NRG1: variants seen among roughly 807,000 people sequenced by gnomAD.
NRG1 encodes neuregulin 1, also known as pro-neuregulin-1, membrane-bound isoform.
NRG1 carries 18 observed loss-of-function variants against 63.8 expected under a neutral mutation model. The ratio of observed to expected loss-of-function variants is 0.28; its 90% CI spans 0.19 to 0.42. The LOEUF (loss-of-function observed/expected upper bound fraction) is 0.42. Among genes scored for constraint, NRG1 ranks in the 10% least tolerant of loss-of-function variants. The pLI is 1.00. For synonymous variants in NRG1, 302 were observed against 301.3 expected (o/e 1.00, Z -0.02); for missense variants, 762 against 814.7 (o/e 0.94, Z 0.79).
At chr8:32,067,806 C>T (rs1028845095) in intron 1 of NRG1, among the ~76,000 whole-genome samples, 2 of 152,006 alleles carry the variant, frequency 1.3e-5, no homozygotes, top group South Asian at 2.1e-4. Context: ...AAAATATAAA[C>T]ATTTTTTCAT....
chr8:32,745,703 C>T (rs1391543836), intron 7 of NRG1, among the ~76,000 whole-genome samples: 1 of 125,038 alleles, frequency 8.0e-6, no homozygotes, highest in Non-Finnish European at 1.7e-5. Context: ...TGTGTGTCCA[C>T]ACGTATGTGT....
chr8:31,958,672 G>A (rs1028855978), intron 1 of NRG1, among the ~76,000 whole-genome samples: 1 of 152,198 alleles, frequency 6.6e-6, no homozygotes, highest in Non-Finnish European at 1.5e-5. Context: ...AGAGGGAAAT[G>A]AGCCTTCACA....
chr8:32,497,684 G>A (rs1158494975), intron 1 of NRG1, among the ~76,000 whole-genome samples: 1 of 152,132 alleles, frequency 6.6e-6, no homozygotes, highest in Non-Finnish European at 1.5e-5. Context: ...TACGTGACTA[G>A]TCTAGGGCTG....
In NRG1 at chr8:31,957,881, A is replaced by T. The variant is rs1804714977; in HGVS notation, c.37+318450A>T. On this transcript the variant is annotated intron_variant, in intron 1 of 10. Transcript: ENST00000519301. ...TATTTCTACCCCATCAGAGAACATG[A>T]AGGGATGCAGAGAAGAATATGTTGA... Among the ~76,000 whole-genome samples, 5 of 152,338 alleles carry T rather than the reference A, an allele frequency of 3.3e-5. No individual in the cohort carries two copies. The South Asian group carries it at 1.0e-3, about 32-fold the overall frequency.
At chr8:32,648,151 C>T (rs760868291) in intron 5 of NRG1, 1 of 1,614,136 alleles carries the variant, frequency 6.2e-7, no homozygotes, top group East Asian at 2.2e-5. Context: ...TCACCTGTCT[C>T]TAGGGCTCAA....
intron 1 of NRG1, among the ~76,000 whole-genome samples, chr8:32,135,967 G>A (rs1278427960): frequency 8.3e-6 from 1 of 120,334 alleles, no homozygotes; most frequent in Non-Finnish European, 2.0e-5. Context: ...TTGTTGAGAT[G>A]TTTTGAAAAA....
At chr8:31,917,990 T>C (rs1585741914) in intron 1 of NRG1, among the ~76,000 whole-genome samples, 2 of 152,324 alleles carry the variant, frequency 1.3e-5, no homozygotes, top group Admixed American at 1.3e-4. Context: ...AGTTCACTCA[T>C]GATTTGGCTC....
chr8:32,659,128 A>G (rs2466047), intron 5 of NRG1, among the ~76,000 whole-genome samples: 6,326 of 147,808 alleles, frequency 0.043, 167 homozygotes, highest in East Asian at 0.11. Flanking sequence ...GGCAGTAATA[A>G]ATCTTTTCTT....
At chr8:32,354,829 G>T (rs938834814) in intron 1 of NRG1, among the ~76,000 whole-genome samples, 2 of 146,270 alleles carry the variant, frequency 1.4e-5, no homozygotes, top group Admixed American at 1.4e-4. Flanking sequence ...TAACATAAAA[G>T]AGATTAACAG....
At chr8:31,998,617 A>T (rs1812418633) in intron 1 of NRG1, among the ~76,000 whole-genome samples, 1 of 151,976 alleles carries the variant, frequency 6.6e-6, no homozygotes, top group Admixed American at 6.6e-5. Context: ...AGTCAATAGG[A>T]ACTTTACACA....
chr8:32,330,213 G>A (rs1179841766), intron 1 of NRG1, among the ~76,000 whole-genome samples: 1 of 152,076 alleles, frequency 6.6e-6, no homozygotes, highest in East Asian at 1.9e-4. Context: ...GGTCTTTCCT[G>A]TCAGGTCCAC....
chr8:32,729,925 G>A (rs913472317), intron 6 of NRG1, among the ~76,000 whole-genome samples: 1 of 152,026 alleles, frequency 6.6e-6, no homozygotes, highest in African/African-American at 2.4e-5. Context: ...GCTCTTCTTT[G>A]AAAAAAGTAG....
At chr8:32,677,814 T>C (rs1171154659) in intron 5 of NRG1, among the ~76,000 whole-genome samples, 1 of 152,130 alleles carries the variant, frequency 6.6e-6, no homozygotes, top group African/African-American at 2.4e-5. Flanking sequence ...AGCCTTTCCT[T>C]CCAATTTGCC....
At chr8:32,705,132 ATTT>A (rs751755810) in intron 5 of NRG1, among the ~76,000 whole-genome samples, 1 of 139,972 alleles carries the variant, frequency 7.1e-6, no homozygotes. Context: ...GTGACAATGA[ATTT>A]TTTTTTTTTT....
At chr8:31,922,877 GA>G (rs71987458) in intron 1 of NRG1, among the ~76,000 whole-genome samples, 1,650 of 151,670 alleles carry the variant, frequency 0.011, 39 homozygotes, top group African/African-American at 0.037. Flanking sequence ...TGGGAAGGAG[GA>G]AAAAAAAGGA....
chr8:32,408,699 T>C (rs1276690621), intron 1 of NRG1, among the ~76,000 whole-genome samples: 4 of 152,168 alleles, frequency 2.6e-5, no homozygotes, highest in Non-Finnish European at 4.4e-5. Context: ...ACACAGGGAA[T>C]GCACAAATTT....
intron 1 of NRG1, among the ~76,000 whole-genome samples, chr8:32,016,660 T>C (rs1176801906): frequency 6.6e-6 from 1 of 152,204 alleles, no homozygotes; most frequent in Non-Finnish European, 1.5e-5. Flanking sequence ...TATCTTTCTC[T>C]GTACCATCAA....
chr8:32,759,345 G>A, exon 10 of NRG1: 1 of 1,613,936 alleles, frequency 6.2e-7, no homozygotes, highest in South Asian at 1.1e-5. Context: ...TGAGCATATT[G>A]TTGAGAGAGA....
chr8:32,038,650 G>A (rs116811922), intron 1 of NRG1, among the ~76,000 whole-genome samples: 2,474 of 152,072 alleles, frequency 0.016, 43 homozygotes, highest in Middle Eastern at 0.054. Context: ...TTAAAAATAT[G>A]CCCCCAAGTT....
Sources: gnomAD v4.1 joint callset for allele counts (sites outside exome capture counted in the v4.1 genomes callset) on GRCh38, gnomAD v4.1.1 for gene constraint, MANE v1.5 for transcripts, NCBI Gene and HGNC (gene_info 2026-07-23, HGNC 2026-07-21) for gene names.